Variants in KIAA1217 observed in about 807,000 individuals in gnomAD.
The protein encoded by KIAA1217 is sickle tail protein homolog.
In KIAA1217, 88 loss-of-function variants were observed where a neutral mutation model predicts 163.9. That is an observed-to-expected ratio of 0.54 (90% CI 0.45 to 0.64). The LOEUF (loss-of-function observed/expected upper bound fraction) is 0.64, where lower values mean the gene tolerates loss of function less well. KIAA1217 is among the 30% of genes least tolerant of loss of function. The probability of loss-of-function intolerance (pLI) is 0.00; values close to 1 mark genes in which losing one functional copy is unlikely to be tolerated. For missense variants in KIAA1217, 2,372 were observed against 2,475.0 expected (o/e 0.96, Z 0.88); for synonymous variants, 903 against 923.1 (o/e 0.98, Z 0.39).
chr10:23,728,008 T>C (rs1838267065), intron 1 of KIAA1217, among the ~76,000 whole-genome samples: 1 of 152,222 alleles, frequency 6.6e-6, no homozygotes. Flanking sequence ...TAGTACTCCA[T>C]GTTGTATATG....
intron 2 of KIAA1217, among the ~76,000 whole-genome samples, chr10:24,149,805 T>C (rs1171531996): frequency 6.6e-6 from 1 of 152,178 alleles, no homozygotes; most frequent in Non-Finnish European, 1.5e-5. Flanking sequence ...ATATCCCAGT[T>C]ACCCTGATTT....
chr10:24,520,854 C>A, intron 11 of KIAA1217, among the ~76,000 whole-genome samples: 1 of 142,924 alleles, frequency 7.0e-6, no homozygotes, highest in African/African-American at 2.6e-5. Flanking sequence ...ACCCTGTCTC[C>A]AAAAAATAAA....
rs992793429 is a variant in KIAA1217, at chr10:24,494,515, C to G, written c.1695C>G (p.Ala565=). 1.2e-6 allele frequency: 2 copies of G among 1,613,154 alleles called. No homozygotes were observed. Among genetic ancestry groups the G allele is most frequent in the African/African-American group, 2.7e-5 (2 of 74,828 alleles). Residue 565 remains alanine, a synonymous_variant, in exon 7 of 21, where the codon GCC becomes GCG. Coordinates refer to ENST00000376454, the MANE Select transcript of KIAA1217 (RefSeq NM_019590.5). ...TGTTTTACAGAGAGAGGATGCAAGC[C>G]ATGGAGAAACAGATTGCCAGTTTAA... ...KDRETRERMQ[A]MEKQIASLTG... is the part of the protein sequence containing the mutation.
Position 24,531,877 on chromosome 10 carries a change from TCGCCCCCTCCTCCTC to T in KIAA1217, c.3135_3149del (p.Pro1048_Pro1052del), listed in dbSNP as rs1437106530. Reference sequence around the variant, plus strand: ...GGACTTGGAAAAGCTGGGGGGAAAGTCGCCCCCTCCTCCTCCGCCACCTCCTCGTCGAAGCTACCT... The same window carrying T: ...GGACTTGGAAAAGCTGGGGGGAAAGTCGCCACCTCCTCGTCGAAGCTACCT... On this transcript the variant is annotated inframe_deletion, in exon 15 of 21. Transcript: ENST00000376454. The T allele has an allele frequency of 3.1e-6, 5 of 1,608,418 alleles. No homozygotes were observed. Among genetic ancestry groups the T allele is most frequent in the Non-Finnish European group, 4.2e-6 (5 of 1,176,774 alleles).
At chr10:24,063,919 C>A (rs912415239) in intron 2 of KIAA1217, among the ~76,000 whole-genome samples, 5 of 152,156 alleles carry the variant, frequency 3.3e-5, no homozygotes, top group Non-Finnish European at 5.9e-5. Flanking sequence ...AATGGGAGTT[C>A]ACTCATGATT....
At chr10:24,043,266 A>G (rs1589278936) in intron 2 of KIAA1217, among the ~76,000 whole-genome samples, 1 of 152,348 alleles carries the variant, frequency 6.6e-6, no homozygotes, top group East Asian at 1.9e-4. Context: ...TTTCTACTAC[A>G]AATGTAATAT....
intron 10 of KIAA1217, among the ~76,000 whole-genome samples, chr10:24,514,204 C>A (rs1279967582): frequency 2.0e-5 from 3 of 152,112 alleles, no homozygotes; most frequent in Non-Finnish European, 4.4e-5. Context: ...AACTATCTCA[C>A]CTTTTAGTAT....
At chr10:24,512,507 C>A (rs1400356132) in intron 9 of KIAA1217, among the ~76,000 whole-genome samples, 1 of 152,138 alleles carries the variant, frequency 6.6e-6, no homozygotes, top group African/African-American at 2.4e-5. Flanking sequence ...GGATGAGAAA[C>A]AAGAATGTTC....
intron 2 of KIAA1217, among the ~76,000 whole-genome samples, chr10:24,262,349 C>T (rs1263699708): frequency 2.6e-5 from 4 of 152,152 alleles, no homozygotes; most frequent in African/African-American, 9.6e-5. Context: ...CAATATTGGC[C>T]GGGCGTGGTG....
chr10:24,399,244 T>C (rs1288501182), intron 3 of KIAA1217, among the ~76,000 whole-genome samples: 1 of 152,226 alleles, frequency 6.6e-6, no homozygotes, highest in African/African-American at 2.4e-5. Flanking sequence ...TCTTAATGTC[T>C]ATTGCATTCT....
intron 16 of KIAA1217, among the ~76,000 whole-genome samples, chr10:24,535,116 C>A (rs1156434298): frequency 6.6e-6 from 1 of 152,182 alleles, no homozygotes; most frequent in Non-Finnish European, 1.5e-5. Context: ...TCCACATCTC[C>A]AGGCATCAGA....
intron 2 of KIAA1217, among the ~76,000 whole-genome samples, chr10:24,183,183 C>T (rs749493848): frequency 7.9e-5 from 12 of 152,136 alleles, no homozygotes; most frequent in Non-Finnish European, 1.5e-4. Flanking sequence ...TAGCCCTCAC[C>T]GGAAGTCAAG....
At chr10:23,697,211 A>G (rs1836104268) in intron 1 of KIAA1217, among the ~76,000 whole-genome samples, 1 of 152,214 alleles carries the variant, frequency 6.6e-6, no homozygotes, top group African/African-American at 2.4e-5. Flanking sequence ...TGTTGATAAT[A>G]AGATGATTGG....
At chr10:24,299,068 C>T (rs1003418124) in intron 2 of KIAA1217, among the ~76,000 whole-genome samples, 1 of 151,982 alleles carries the variant, frequency 6.6e-6, no homozygotes, top group Non-Finnish European at 1.5e-5. Context: ...CACAGAGTTG[C>T]AAAAAATGTT....
intron 1 of KIAA1217, among the ~76,000 whole-genome samples, chr10:24,214,661 C>T (rs952822747): frequency 3.3e-5 from 5 of 152,152 alleles, no homozygotes; most frequent in Non-Finnish European, 7.4e-5. Flanking sequence ...TGCCACGGTA[C>T]ACCCAGAGAG....
intron 1 of KIAA1217, among the ~76,000 whole-genome samples, chr10:23,930,584 C>A (rs944177516): frequency 3.3e-5 from 5 of 152,104 alleles, no homozygotes; most frequent in African/African-American, 9.7e-5. Context: ...ATTGGCAGGG[C>A]CTTTCAGAAA....
chr10:24,477,185 AT>A (rs1392230399), intron 6 of KIAA1217, among the ~76,000 whole-genome samples: 1 of 152,218 alleles, frequency 6.6e-6, no homozygotes, highest in Non-Finnish European at 1.5e-5. Flanking sequence ...GACATGTAGC[AT>A]TCCTGGGGAA....
chr10:23,724,433 T>C (rs1393636913), intron 1 of KIAA1217, among the ~76,000 whole-genome samples: 7 of 152,244 alleles, frequency 4.6e-5, no homozygotes, highest in Non-Finnish European at 8.8e-5. Context: ...TTAAATTCTA[T>C]TTAATTAACA....
chr10:23,858,412 C>G (rs1839800783), intron 1 of KIAA1217, among the ~76,000 whole-genome samples: 1 of 151,840 alleles, frequency 6.6e-6, no homozygotes, highest in South Asian at 2.1e-4. Flanking sequence ...CTTTTATTCA[C>G]CACAACAGCA....
Sources: gnomAD v4.1 joint callset for allele counts (sites outside exome capture counted in the v4.1 genomes callset) on GRCh38, gnomAD v4.1.1 for gene constraint, MANE v1.5 for transcripts, NCBI Gene and HGNC (gene_info 2026-07-23, HGNC 2026-07-21) for gene names.